HEY1: variants seen among roughly 807,000 people sequenced by gnomAD.
HEY1 encodes the protein hes related family bHLH transcription factor with YRPW motif 1.
In HEY1, 9 loss-of-function variants were observed where a neutral mutation model predicts 28.7. The ratio of observed to expected loss-of-function variants is 0.31; its 90% CI spans 0.19 to 0.55. The LOEUF is 0.55. Among genes scored for constraint, HEY1 ranks in the 20% least tolerant of loss-of-function variants. The probability of loss-of-function intolerance (pLI) is 0.93; values close to 1 mark genes in which losing one functional copy is unlikely to be tolerated. For missense variants in HEY1, 385 were observed against 399.4 expected, an observed-to-expected ratio of 0.96 and a Z score of 0.31; for synonymous variants, 213 against 175.6, an observed-to-expected ratio of 1.21 and a Z score of -1.68.
intron 1 of HEY1, 96 bp from the exon 2 acceptor site, chr8:79,767,390 C>CT (rs1205355053): frequency 3.6e-5 from 45 of 1,236,208 alleles, no homozygotes; most frequent in Non-Finnish European, 5.0e-5. Context: ...CGCACTCAGA[C>CT]TTTTTTTGCC....
At position 79,765,280 on chromosome 8, in the gene HEY1, ACAG is replaced by A; in HGVS notation, c.820_822del (p.Leu274del). 1 of 1,555,626 alleles carries A rather than the reference ACAG, an allele frequency of 6.4e-7. No homozygotes were observed. The highest frequency in any genetic ancestry group is 8.7e-7 in the Non-Finnish European group (1 of 1,148,720). ...GCTGAAGGGCTCAGTGCATTGGGAGACAGTAAGTGGAAGGAGCCGAAAGAGAAG... is the reference window on the plus strand; with the variant it reads ...GCTGAAGGGCTCAGTGCATTGGGAGATAAGTGGAAGGAGCCGAAAGAGAAG... On this transcript the variant is annotated inframe_deletion, in exon 5 of 5. Coordinates refer to ENST00000354724, the MANE Select transcript of HEY1 (RefSeq NM_012258.4).
intron 3 of HEY1, 90 bp from the exon 4 acceptor site, chr8:79,766,822 C>T: frequency 2.1e-6 from 3 of 1,431,814 alleles, no homozygotes; most frequent in South Asian, 2.3e-5. Flanking sequence ...AAGATACATG[C>T]TTTGTAAATC....
rs919305445 is a variant in HEY1, at chr8:79,765,207, G to A, written c.896C>T (p.Thr299Met). ...NLGKPYRPWG[T>M]EIGAF is the part of the protein sequence containing the mutation. ...AGTTCTTTAAAAAGCTCCGATCTCCGTCCCCCAAGGTCTATAGGGCTTGCC... is the reference window on the plus strand; with the variant it reads ...AGTTCTTTAAAAAGCTCCGATCTCCATCCCCCAAGGTCTATAGGGCTTGCC... The change falls in exon 5 of 5, where the codon ACG (threonine) becomes ATG (methionine). Residue 299 changes from threonine (T) to methionine (M), a missense_variant. By Grantham distance (81) the Thr-to-Met change is moderately conservative. Around this residue, in one of 3 missense-constraint regions of HEY1, gnomAD observed 223 missense variants for 215.9 expected, o/e 1.03. Transcript: ENST00000354724. The A allele has an allele frequency of 1.3e-6, 2 of 1,544,320 alleles. No individual in the cohort carries two copies. The highest frequency in any genetic ancestry group is 2.4e-5 in the East Asian group (1 of 40,930).
In HEY1 at chr8:79,765,091, CCTTTTTA is replaced by C. The variant is rs1364094535; in HGVS notation, c.*90_*96del. On this transcript the variant is annotated 3_prime_UTR_variant, in exon 5 of 5. Transcript: ENST00000354724. ...AAATTATCTGAAAGTGTACCTTTTT[CCTTTTTA>C]CTTTTACTGACGACTTTAAGGTGAT... is the stretch of plus-strand genomic sequence containing the variant. 2.1e-5 allele frequency: 16 copies of C among 759,612 alleles called. No homozygotes were observed. The highest frequency in any genetic ancestry group is 3.3e-5 in the South Asian group (1 of 30,182). The allele number at this position is 759,612 out of a possible 1,614,324, so 47.1% of individuals were successfully genotyped here.
Position 79,765,707 on chromosome 8 carries a change from T to C in HEY1, c.396A>G (p.Ala132=), listed in dbSNP as rs79250162. The C allele has an allele frequency of 1.9e-5, 30 of 1,614,108 alleles. No individual in the cohort carries two copies. In the African/African-American group the frequency reaches 3.9e-4, roughly 21 times the overall value. Residue 132 remains alanine (A), a synonymous_variant, in exon 5 of 5, where the codon GCA becomes GCG. Transcript: ENST00000354724. ...TGATGCTCAGATAACGCGCAACTTC[T>C]GCCAGGCATTCCCGAAATCCCAAAC... is the stretch of plus-strand genomic sequence containing the variant. ...YRSLGFRECL[A]EVARYLSIIE...
Position 79,767,605 on chromosome 8 carries a change from T to G in HEY1, c.59A>C (p.Glu20Ala). Residue 20 changes from glutamate to alanine, a missense_variant, in exon 1 of 5, where the codon GAG (glutamate) becomes GCG (alanine). By Grantham distance (107) the Glu-to-Ala change is moderately radical. This residue lies in a region of HEY1 where 79 missense variants were observed against 60.7 expected (regional missense o/e 1.30). Transcript: ENST00000354724. ...SSDSELDETIEVEKESADENG... is the reference protein window; with the variant it reads ...SSDSELDETIAVEKESADENG... ...CTCGTCCGCACTCTCCTTCTCCACC[T>G]CGATGGTCTCGTCCAGCTCGCTGTC... The G allele has an allele frequency of 1.2e-6, 2 of 1,610,572 alleles. No individual in the cohort carries two copies. The highest frequency in any genetic ancestry group is 1.7e-6 in the Non-Finnish European group (2 of 1,178,884).
In HEY1 at chr8:79,767,744, G is replaced by C. The variant is rs1446929557; in HGVS notation, c.-81C>G. The C allele has an allele frequency of 2.1e-5, 21 of 997,348 alleles. No individual in the cohort carries two copies. Among genetic ancestry groups the C allele is most frequent in the Non-Finnish European group, 2.9e-5 (19 of 655,350 alleles). The allele number at this position is 997,348 out of a possible 1,614,324, so 61.8% of individuals were successfully genotyped here. ...ACTACAGCGGCGCCTCTCCGCTCTC[G>C]GCTGCTTGCGTTCCGCACACACTGA... On this transcript the variant is annotated 5_prime_UTR_variant, in exon 1 of 5. Transcript: ENST00000354724.
At position 79,765,536 on chromosome 8, in the gene HEY1, G is replaced by A. The variant is rs2130487848; in HGVS notation, c.567C>T (p.His189=). ...GGGGCAGCAACAGCGGGTGCGCGAT[G>A]TGCGGGTGATGTCCGAAGACGGTCC... is the stretch of plus-strand genomic sequence containing the variant. The part of the protein sequence containing the change: ...PWGTVFGHHP[H]IAHPLLLPQN... Residue 189 remains histidine, a synonymous_variant, in exon 5 of 5, where the codon CAC becomes CAT. Coordinates refer to ENST00000354724, the MANE Select transcript of HEY1 (RefSeq NM_012258.4). The A allele has an allele frequency of 1.2e-6, 2 of 1,613,952 alleles. No individual in the cohort carries two copies. Among genetic ancestry groups the A allele is most frequent in the South Asian group, 2.2e-5 (2 of 91,084 alleles).
intron 4 of HEY1, 167 bp downstream of exon 4, chr8:79,766,484 T>G (rs1807841066): frequency 6.6e-7 from 1 of 1,505,856 alleles, no homozygotes; most frequent in Non-Finnish European, 8.8e-7. Flanking sequence ...CTGGAGAAGA[T>G]TCTATGTGCA....
Position 79,764,998 on chromosome 8 carries a change from C to A in HEY1, c.*190G>T. The A allele has an allele frequency of 2.0e-6, 1 of 507,236 alleles. No individual in the cohort carries two copies. Among genetic ancestry groups the A allele is most frequent in the Non-Finnish European group, 3.5e-6 (1 of 288,220 alleles). The allele number at this position is 507,236 out of a possible 1,614,324, so 31.4% of individuals were successfully genotyped here. On this transcript the variant is annotated 3_prime_UTR_variant, in exon 5 of 5. Transcript: ENST00000354724. ...AACTAGTTTTTAAAAACTGCTAATA[C>A]ATGACATGATGAAAAAAACATTAAA...
At chr8:79,765,825 C>T (rs759289323) in intron 4 of HEY1, 54 bp from the exon 5 acceptor site, 403 of 1,490,408 alleles carry the variant, frequency 2.7e-4, no homozygotes, top group Admixed American at 4.5e-4. Context: ...TCCCTCATTT[C>T]TTAAGTCCCA....
intron 4 of HEY1, chr8:79,766,076 T>A (rs1243758836): frequency 5.8e-5 from 44 of 755,368 alleles, no homozygotes; most frequent in Non-Finnish European, 8.3e-6. Flanking sequence ...AAAAAATACA[T>A]CAAGGGCAGA....
At chr8:79,766,896 T>C (rs1807855797) in intron 3 of HEY1, 113 bp downstream of exon 3, 1 of 1,217,602 alleles carries the variant, frequency 8.2e-7, no homozygotes, top group African/African-American at 1.5e-5. Context: ...TGTGTACGAA[T>C]TCATCTAGGC....
chr8:79,766,458 TGG>T, intron 4 of HEY1, 191 bp downstream of exon 4: 1 of 1,492,672 alleles, frequency 6.7e-7, no homozygotes, highest in Non-Finnish European at 8.8e-7. Context: ...CGCAGAGAGC[TGG>T]GGTGGTGAAT....
chr8:79,766,584 C>CTG, intron 4 of HEY1, 67 bp downstream of exon 4: 2 of 1,607,372 alleles, frequency 1.2e-6, no homozygotes, highest in Admixed American at 3.3e-5. Flanking sequence ...TGCACCAATC[C>CTG]TGGCCTTCAG....
Position 79,765,661 on chromosome 8 carries a change from C to G in HEY1, c.442G>C (p.Asp148His). The G allele has an allele frequency of 6.2e-7, 1 of 1,614,262 alleles. No homozygotes were observed. The highest frequency in any genetic ancestry group is 8.5e-7 in the Non-Finnish European group (1 of 1,180,048). Residue 148 changes from aspartate to histidine, a missense_variant, in exon 5 of 5, where the codon GAC becomes CAC. Asp to His is a moderately conservative substitution (Grantham distance 81, BLOSUM62 -1). Around this residue, in one of 3 missense-constraint regions of HEY1, gnomAD observed 223 missense variants for 215.9 expected, o/e 1.03. Coordinates refer to ENST00000354724, the MANE Select transcript of HEY1 (RefSeq NM_012258.4). ...GAAACCAGTCGAACTCGAAGCGGGT[C>G]AGAGGCATCTAGTCCTTCAATGATG... ...LSIIEGLDASDPLRVRLVSHL... is the reference protein window; with the variant it reads ...LSIIEGLDASHPLRVRLVSHL...
intron 3 of HEY1, 138 bp downstream of exon 3, chr8:79,766,871 A>G: frequency 8.3e-7 from 1 of 1,201,180 alleles, no homozygotes; most frequent in Non-Finnish European, 1.2e-6. Flanking sequence ...TGTCTTCACA[A>G]AATACGCTGG....
chr8:79,766,957 T>C lies in HEY1; in HGVS notation c.249+52A>G, dbSNP rs200772885. ...GCGGATGAGATTAATGAGGGGAAGA[T>C]TCAGAAGGTGCAGATAGCTATGCTG... On this transcript the variant is annotated intron_variant, in intron 3 of 4. Coordinates refer to ENST00000354724, the MANE Select transcript of HEY1 (RefSeq NM_012258.4). 2,225 of 1,466,664 alleles carry C rather than the reference T, an allele frequency of 1.5e-3. 2 individuals are homozygous for C. The highest frequency in any genetic ancestry group is 1.9e-3 in the Non-Finnish European group (2,023 of 1,048,576). 90.9% of individuals were successfully genotyped at this position (1,466,664 alleles called of 1,614,324 possible).
rs1259971874 is a variant in HEY1, at chr8:79,765,168, C to T, written c.*20G>A. On this transcript the variant is annotated 3_prime_UTR_variant, in exon 5 of 5. Coordinates refer to ENST00000354724, the MANE Select transcript of HEY1 (RefSeq NM_012258.4). ...AGCTGGGATTTTAAACTTTCCCCTCCCTCATTCTACATCAGTTCTTTAAAA... is the reference window on the plus strand; with the variant it reads ...AGCTGGGATTTTAAACTTTCCCCTCTCTCATTCTACATCAGTTCTTTAAAA... 1.3e-6 allele frequency: 2 copies of T among 1,503,162 alleles called. No individual in the cohort carries two copies. Among genetic ancestry groups the T allele is most frequent in the East Asian group, 2.5e-5 (1 of 40,452 alleles). 93.1% of individuals were successfully genotyped at this position (1,503,162 alleles called of 1,614,324 possible).
Sources: allele counts gnomAD v4.1 joint callset, GRCh38; gene constraint gnomAD v4.1.1; regional missense constraint gnomAD v4.1.1; transcripts MANE v1.5; gene names NCBI Gene and HGNC (gene_info 2026-07-23, HGNC 2026-07-21).